Variants in ADAM22 observed in about 807,000 individuals in gnomAD.
The protein encoded by ADAM22 is disintegrin and metalloproteinase domain-containing protein 22.
In ADAM22, 65 loss-of-function variants were observed where a neutral mutation model predicts 144.6. The ratio of observed to expected loss-of-function variants is 0.45; its 90% CI spans 0.37 to 0.55. The LOEUF is 0.55. ADAM22 is among the 20% of genes least tolerant of loss of function. ADAM22 has a pLI of 0.00. For missense variants in ADAM22, 974 were observed against 1,184.9 expected, an observed-to-expected ratio of 0.82 and a Z score of 2.61; for synonymous variants, 391 against 412.6, an observed-to-expected ratio of 0.95 and a Z score of 0.63.
At chr7:88,048,678 A>G (rs769317665) in intron 3 of ADAM22, among the ~76,000 whole-genome samples, 1 of 152,104 alleles carries the variant, frequency 6.6e-6, no homozygotes, top group Admixed American at 6.6e-5. Flanking sequence ...ATTAATTTAT[A>G]CATTAATAGT....
chr7:88,159,708 C>T (rs1273676484), intron 22 of ADAM22, among the ~76,000 whole-genome samples: 1 of 152,086 alleles, frequency 6.6e-6, no homozygotes. Flanking sequence ...ATCCAACATC[C>T]TTTCATGTTA....
intron 8 of ADAM22, among the ~76,000 whole-genome samples, chr7:88,127,583 A>C (rs1457551811): frequency 6.6e-6 from 1 of 151,770 alleles, no homozygotes; most frequent in Non-Finnish European, 1.5e-5. Flanking sequence ...TGGTGTTATA[A>C]TAGTTTTTTT....
At chr7:87,986,866 C>T (rs1217142994) in intron 3 of ADAM22, among the ~76,000 whole-genome samples, 1 of 151,878 alleles carries the variant, frequency 6.6e-6, no homozygotes, top group East Asian at 1.9e-4. Context: ...AAAATAATTG[C>T]AGAATTATTT....
chr7:88,160,383 C>T (rs183092143), intron 22 of ADAM22, among the ~76,000 whole-genome samples: 1 of 152,218 alleles, frequency 6.6e-6, no homozygotes, highest in East Asian at 1.9e-4. Context: ...TGACATTCTT[C>T]ACAGAACTAG....
At position 87,934,611 on chromosome 7, in the gene ADAM22, T is replaced by C. The variant is rs938622253; in HGVS notation, c.85+61T>C. On this transcript the variant is annotated intron_variant, in intron 1 of 31. Transcript: ENST00000413139. ...CATTTCCCGGGAATCTTTGGAGCCCTCAGGCGTATTGAAAAGGGGGCATCC... is the reference window on the plus strand; with the variant it reads ...CATTTCCCGGGAATCTTTGGAGCCCCCAGGCGTATTGAAAAGGGGGCATCC... 6 of 1,477,820 alleles carry C rather than the reference T, an allele frequency of 4.1e-6. No homozygotes were observed. In the African/African-American group the frequency reaches 4.2e-5, roughly 10 times the overall value. 91.5% of individuals were successfully genotyped at this position (1,477,820 alleles called of 1,614,324 possible). A position where few individuals can be genotyped will look rare whatever the true frequency, so the allele number is the denominator to read the frequency against.
chr7:88,146,640 T>A (rs760082212), intron 17 of ADAM22, among the ~76,000 whole-genome samples: 1 of 152,200 alleles, frequency 6.6e-6, no homozygotes, highest in Non-Finnish European at 1.5e-5. Context: ...TGGAGACCAC[T>A]CTCTGAGATA....
chr7:87,953,573 A>G (rs1192017657), intron 2 of ADAM22, among the ~76,000 whole-genome samples: 5 of 152,116 alleles, frequency 3.3e-5, no homozygotes, highest in South Asian at 4.2e-4. Flanking sequence ...TATGTGGTCA[A>G]TTTTGGAATA....
intron 2 of ADAM22, among the ~76,000 whole-genome samples, chr7:87,955,739 A>G (rs1487258378): frequency 2.0e-5 from 3 of 152,192 alleles, no homozygotes; most frequent in Admixed American, 1.3e-4. Flanking sequence ...GGTGTAGCCT[A>G]CAGAGGCAGG....
In ADAM22 at chr7:88,164,011, C is replaced by T. The variant is rs1842383403; in HGVS notation, c.2076+831C>T. The stretch of plus-strand genomic sequence containing the variant: ...TCATTCCTGGTCTTTCCATGCTTGT[C>T]CTCAGGGATATTCCAAGAATTTATT... On this transcript the variant is annotated intron_variant, in intron 23 of 31. Coordinates refer to ENST00000413139, the MANE Select transcript of ADAM22 (RefSeq NM_001324418.2). Among the ~76,000 whole-genome samples the T allele has an allele frequency of 3.9e-5, 6 of 152,036 alleles. No homozygotes were observed. The South Asian group carries it at 1.2e-3, about 32-fold the overall frequency.
chr7:87,982,699 A>ATATATATAT (rs10527361), intron 3 of ADAM22, among the ~76,000 whole-genome samples: 52 of 62,892 alleles, frequency 8.3e-4, no homozygotes, highest in East Asian at 2.7e-3. Flanking sequence ...ATATATATAT[A>ATATATATAT]ATTTTTTTTT....
Position 87,978,395 on chromosome 7 carries a change from C to T in ADAM22, c.306C>T (p.Leu102=), listed in dbSNP as rs770764578. The part of the protein sequence containing the change: ...QVDAFGTSFI[L]DVVLNHDLLS... ...ATGCCTTTGGAACGTCATTCATTCT[C>T]GATGTCGTGCTAAATCAGTAAGTGT... The change falls in exon 3 of 32, where the codon CTC becomes CTT. Residue 102 remains leucine (L), a synonymous_variant. Transcript: ENST00000413139. 62 of 1,613,392 alleles carry T rather than the reference C, an allele frequency of 3.8e-5. 1 individual carries two copies. The East Asian group carries it at 1.2e-3, about 31-fold the overall frequency.
chr7:88,075,802 A>G, intron 4 of ADAM22, 110 bp downstream of exon 4: 1 of 859,168 alleles, frequency 1.2e-6, no homozygotes, highest in East Asian at 2.7e-5. Context: ...TGAGGGTTTT[A>G]AAAATACTTT....
Position 87,984,145 on chromosome 7 carries a change from G to A in ADAM22, c.323+5733G>A, listed in dbSNP as rs28409698. ...AATTATTATGACACAAGCCCCTGCC[G>A]ACATTCTTGGTGTAAATTAACTCTA... On this transcript the variant is annotated intron_variant, in intron 3 of 31. Coordinates refer to ENST00000413139, the MANE Select transcript of ADAM22 (RefSeq NM_001324418.2). Among the ~76,000 whole-genome samples, 385 of 152,150 alleles carry A rather than the reference G, an allele frequency of 2.5e-3. 5 individuals are homozygous for A. Among genetic ancestry groups the A allele is most frequent in the African/African-American group, 8.0e-3 (332 of 41,484 alleles).
chr7:88,125,571 A>G lies in ADAM22; in HGVS notation c.608-18A>G. ...CTGACAAATGCACTAAGTTAAATTA[A>G]ATTTAATTTCCTTTTAGAATTTCAG... On this transcript the variant is annotated intron_variant, in intron 7 of 31. Transcript: ENST00000413139. The G allele has an allele frequency of 6.4e-7, 1 of 1,568,450 alleles. No homozygotes were observed. The highest frequency in any genetic ancestry group is 8.7e-7 in the Non-Finnish European group (1 of 1,146,904).
intron 2 of ADAM22, among the ~76,000 whole-genome samples, chr7:87,968,242 T>C (rs752539818): frequency 6.6e-6 from 1 of 152,196 alleles, no homozygotes; most frequent in Non-Finnish European, 1.5e-5. Flanking sequence ...GTTTAGAATA[T>C]TGCTTTTCAA....
intron 3 of ADAM22, among the ~76,000 whole-genome samples, chr7:88,018,766 G>A (rs571090964): frequency 1.3e-5 from 2 of 152,222 alleles, no homozygotes; most frequent in South Asian, 4.1e-4. Context: ...ATCAAATGTT[G>A]TTTAAATTGT....
intron 2 of ADAM22, among the ~76,000 whole-genome samples, chr7:87,936,792 C>T (rs941335205): frequency 6.6e-6 from 1 of 150,966 alleles, no homozygotes; most frequent in African/African-American, 2.4e-5. Context: ...TTCCAGTTCT[C>T]GTAAATATGT....
intron 14 of ADAM22, 84 bp from the exon 15 acceptor site, chr7:88,142,942 A>T (rs1835232382): frequency 2.5e-6 from 2 of 792,720 alleles, no homozygotes; most frequent in Non-Finnish European, 2.1e-6. Context: ...AGAGTAATAT[A>T]CAATTTTAAG....
intron 23 of ADAM22, among the ~76,000 whole-genome samples, chr7:88,164,660 A>G (rs1783326212): frequency 6.6e-6 from 1 of 152,062 alleles, no homozygotes; most frequent in Non-Finnish European, 1.5e-5. Context: ...TAAAATGGAG[A>G]TAATAATAGT....
Sources: allele counts gnomAD v4.1 joint callset (sites outside exome capture counted in the v4.1 genomes callset), GRCh38; gene constraint gnomAD v4.1.1; transcripts MANE v1.5; gene names NCBI Gene and HGNC (gene_info 2026-07-23, HGNC 2026-07-21).